SCCPDH: variants seen among roughly 807,000 people sequenced by gnomAD.
SCCPDH encodes the protein saccharopine dehydrogenase (putative).
In SCCPDH, 34 loss-of-function variants were observed where a neutral mutation model predicts 51.5. That is an observed-to-expected ratio of 0.66 (90% CI 0.50 to 0.88). The LOEUF (loss-of-function observed/expected upper bound fraction) is 0.88. SCCPDH is among the 40% of genes least tolerant of loss of function. The probability of loss-of-function intolerance (pLI) is 0.00; values close to 1 mark genes in which losing one functional copy is unlikely to be tolerated. For missense variants in SCCPDH, 464 were observed against 527.1 expected (o/e 0.88, Z 1.17); for synonymous variants, 187 against 191.3 (o/e 0.98, Z 0.19).
At chr1:246,742,350 G>C (rs895554589) in intron 4 of SCCPDH, among the ~76,000 whole-genome samples, 1 of 152,126 alleles carries the variant, frequency 6.6e-6, no homozygotes, top group Non-Finnish European at 1.5e-5. Context: ...CTTCATAAGG[G>C]AGAAATATTA....
At chr1:246,747,654 A>T (rs1668781849) in intron 5 of SCCPDH, among the ~76,000 whole-genome samples, 1 of 152,164 alleles carries the variant, frequency 6.6e-6, no homozygotes, top group African/African-American at 2.4e-5. Context: ...CTTATCCCTG[A>T]CACAGGTAGC....
chr1:246,736,751 A>T (rs1407429906), intron 3 of SCCPDH, among the ~76,000 whole-genome samples: 2 of 152,224 alleles, frequency 1.3e-5, no homozygotes, highest in Non-Finnish European at 2.9e-5. Context: ...ATTACAGAAA[A>T]ATAAAGGTAA....
At chr1:246,751,806 C>T (rs1668854096) in intron 5 of SCCPDH, among the ~76,000 whole-genome samples, 1 of 147,182 alleles carries the variant, frequency 6.8e-6, no homozygotes, top group Non-Finnish European at 1.5e-5. Context: ...TGGAGTCTCG[C>T]TCTGTCGCCC....
At chr1:246,733,479 C>T (rs1423041276) in intron 2 of SCCPDH, among the ~76,000 whole-genome samples, 1 of 131,006 alleles carries the variant, frequency 7.6e-6, no homozygotes, top group East Asian at 2.1e-4. Context: ...TAGTCCGTAG[C>T]ATCATATTTT....
chr1:246,739,699 TAAACTGTTTTTAAAAAGGAATTTCTAAAA>T (rs1406580870), intron 3 of SCCPDH, among the ~76,000 whole-genome samples: 1 of 152,168 alleles, frequency 6.6e-6, no homozygotes. Context: ...CTGTAAATCT[TAAACTGTTTTTAAAAAGGAATTTCTAAAA>T]ACAGGCAGAA....
chr1:246,746,885 C>T (rs955261214), intron 5 of SCCPDH, among the ~76,000 whole-genome samples: 3 of 152,226 alleles, frequency 2.0e-5, no homozygotes, highest in South Asian at 4.1e-4. Context: ...TTTGGGAATG[C>T]GCCATAGAGG....
chr1:246,726,783 C>T, intron 1 of SCCPDH, 109 bp from the exon 2 acceptor site: 1 of 722,932 alleles, frequency 1.4e-6, no homozygotes, highest in Non-Finnish European at 2.3e-6. Context: ...TAGCTTTCAG[C>T]ATATCAGTGT....
At chr1:246,725,377 C>T (rs1295028196) in intron 1 of SCCPDH, among the ~76,000 whole-genome samples, 1 of 152,094 alleles carries the variant, frequency 6.6e-6, no homozygotes, top group Non-Finnish European at 1.5e-5. Context: ...TGTCCCGAGT[C>T]TGGGGTGCAG....
In SCCPDH at chr1:246,759,989, C is replaced by T; in HGVS notation, c.846C>T (p.Gly282=). 3.7e-6 allele frequency: 6 copies of T among 1,613,544 alleles called. No homozygotes were observed. The highest frequency in any genetic ancestry group is 5.1e-6 in the Non-Finnish European group (6 of 1,179,696). ...VQYAAYVTVG[G]ITSVIKLMFA... is the part of the protein sequence containing the mutation. ...ATGCTGCGTATGTAACTGTGGGAGG[C>T]ATCACCTCTGTTATTAAGCTGATGT... Residue 282 remains glycine, a synonymous_variant, in exon 8 of 12, where the codon GGC becomes GGT. Coordinates refer to ENST00000366510, the MANE Select transcript of SCCPDH (RefSeq NM_016002.3).
chr1:246,759,135 A>AT lies in SCCPDH; in HGVS notation c.800dup (p.Leu267PhefsTer22). On this transcript the variant is annotated frameshift_variant, in exon 7 of 12. Transcript: ENST00000366510. LOFTEE classifies it high-confidence loss of function. ...AGGACTCAACGTTACTTGTATGAAAATTTAGAGGAATCACCAGTAAGTATA... is the reference window on the plus strand; with the variant it reads ...AGGACTCAACGTTACTTGTATGAAAATTTTAGAGGAATCACCAGTAAGTATA... 1 of 1,531,182 alleles carries AT rather than the reference A, an allele frequency of 6.5e-7. No homozygotes were observed. 94.8% of individuals were successfully genotyped at this position (1,531,182 alleles called of 1,614,324 possible).
chr1:246,757,496 C>G (rs899011195), intron 5 of SCCPDH, among the ~76,000 whole-genome samples: 2 of 151,880 alleles, frequency 1.3e-5, no homozygotes, highest in African/African-American at 4.8e-5. Flanking sequence ...AAGGCACTGA[C>G]AGCCCAAAGT....
intron 5 of SCCPDH, among the ~76,000 whole-genome samples, chr1:246,744,454 G>C (rs1668728279): frequency 6.6e-6 from 1 of 152,102 alleles, no homozygotes; most frequent in South Asian, 2.1e-4. Flanking sequence ...AAGTAGCTGG[G>C]ATTACAGGCA....
At chr1:246,752,708 T>G (rs1173775558) in intron 5 of SCCPDH, among the ~76,000 whole-genome samples, 1 of 152,190 alleles carries the variant, frequency 6.6e-6, no homozygotes, top group Non-Finnish European at 1.5e-5. Flanking sequence ...GTTCTTTGTC[T>G]GCGGTGGGGA....
intron 5 of SCCPDH, chr1:246,755,514 A>G (rs1018652156): frequency 6.6e-6 from 1 of 152,216 alleles, no homozygotes; most frequent in African/African-American, 2.4e-5. Flanking sequence ...CATTAGTTCA[A>G]ATCCTTGAGG....
chr1:246,766,660 C>G (rs1166301256), intron 11 of SCCPDH, among the ~76,000 whole-genome samples: 6 of 152,146 alleles, frequency 3.9e-5, no homozygotes, highest in Non-Finnish European at 8.8e-5. Context: ...CAGGCATGAC[C>G]TAAAACAGGA....
At chr1:246,742,420 A>C (rs1668695038) in intron 4 of SCCPDH, among the ~76,000 whole-genome samples, 1 of 152,190 alleles carries the variant, frequency 6.6e-6, no homozygotes, top group African/African-American at 2.4e-5. Flanking sequence ...GCATTTTAGC[A>C]AGCACCCCAG....
chr1:246,732,302 G>A (rs1668504476), intron 2 of SCCPDH, among the ~76,000 whole-genome samples: 1 of 152,112 alleles, frequency 6.6e-6, no homozygotes, highest in Admixed American at 6.6e-5. Context: ...ATTGTGCAGG[G>A]GAGAGGAGAC....
At chr1:246,737,229 AAATT>A (rs1256820147) in intron 3 of SCCPDH, among the ~76,000 whole-genome samples, 1 of 51,738 alleles carries the variant, frequency 1.9e-5, no homozygotes, top group Non-Finnish European at 7.2e-5. Flanking sequence ...AGGAGGAAAC[AAATT>A]AAAAAAAAAA....
At chr1:246,750,804 C>T (rs1321609039) in intron 5 of SCCPDH, among the ~76,000 whole-genome samples, 1 of 152,248 alleles carries the variant, frequency 6.6e-6, no homozygotes, top group African/African-American at 2.4e-5. Flanking sequence ...GGAGGCATCT[C>T]TGTGTAATGA....
Sources: gnomAD v4.1 joint callset for allele counts (sites outside exome capture counted in the v4.1 genomes callset) on GRCh38, gnomAD v4.1.1 for gene constraint, MANE v1.5 for transcripts, NCBI Gene and HGNC (gene_info 2026-07-23, HGNC 2026-07-21) for gene names.